The following SFMBT1 variants were observed in gnomAD, a reference collection of about 807,000 sequenced individuals.
SFMBT1 encodes scm-like with four MBT domains protein 1.
Under a neutral mutation model 108.7 loss-of-function variants are expected in SFMBT1, and 32 were observed. The ratio of observed to expected loss-of-function variants is 0.29; its 90% CI spans 0.22 to 0.40. The LOEUF is 0.40. SFMBT1 is among the 10% of genes least tolerant of loss of function. SFMBT1 has a pLI of 1.00. For synonymous variants in SFMBT1, 348 were observed against 369.5 expected, an observed-to-expected ratio of 0.94 and a Z score of 0.67; for missense variants, 816 against 1,059.6, an observed-to-expected ratio of 0.77 and a Z score of 3.19.
chr3:53,045,426 G>A (rs1431555570), intron 1 of SFMBT1, among the ~76,000 whole-genome samples: 1 of 143,460 alleles, frequency 7.0e-6, no homozygotes, highest in Non-Finnish European at 1.5e-5. Flanking sequence ...GAACTTGGGC[G>A]CCCGCCACTG....
At position 52,936,241 on chromosome 3, in the gene SFMBT1, C is replaced by T. The variant is rs78368594; in HGVS notation, c.365-1340G>A. Reference sequence around the variant, plus strand: ...TCTTCATTTACTAACCAAAGAACTTCCATAAAGAAAAATTTCTCTACATCA... The same window carrying T: ...TCTTCATTTACTAACCAAAGAACTTTCATAAAGAAAAATTTCTCTACATCA... On this transcript the variant is annotated intron_variant, in intron 4 of 20. Transcript: ENST00000394752. Among the ~76,000 whole-genome samples the T allele has an allele frequency of 9.6e-3, 1,466 of 152,230 alleles. 14 individuals carry two copies. The highest frequency in any genetic ancestry group is 0.034 in the Middle Eastern group (10 of 294).
intron 1 of SFMBT1, among the ~76,000 whole-genome samples, chr3:53,009,691 T>C (rs1698877745): frequency 6.6e-6 from 1 of 152,186 alleles, no homozygotes; most frequent in Non-Finnish European, 1.5e-5. Context: ...AACTTCTGAC[T>C]CCCCAAAACT....
At chr3:53,007,785 T>C (rs1698797926) in intron 1 of SFMBT1, among the ~76,000 whole-genome samples, 1 of 152,160 alleles carries the variant, frequency 6.6e-6, no homozygotes, top group African/African-American at 2.4e-5. Flanking sequence ...GGAAGAATAA[T>C]TTAGCAGTAG....
At chr3:53,024,868 T>C (rs978563069) in intron 1 of SFMBT1, among the ~76,000 whole-genome samples, 4 of 152,220 alleles carry the variant, frequency 2.6e-5, no homozygotes, top group African/African-American at 9.6e-5. Context: ...AGCCATTATA[T>C]TGTTTATGTT....
In SFMBT1 at chr3:52,942,784, C is replaced by T. The variant is rs561428754; in HGVS notation, c.364+569G>A. ...GCCGCCTCAGCCTCCCAAAGTGGTG[C>T]CATTACAGGCATGGGCCACCCCGCC... On this transcript the variant is annotated intron_variant, in intron 4 of 20. Coordinates refer to ENST00000394752, the MANE Select transcript of SFMBT1 (RefSeq NM_016329.4). Among the ~76,000 whole-genome samples, 15 of 152,346 alleles carry T rather than the reference C, an allele frequency of 9.8e-5. No individual in the cohort carries two copies. The South Asian group carries it at 2.7e-3, about 27-fold the overall frequency.
chr3:53,006,994 A>G (rs771267026), intron 1 of SFMBT1, among the ~76,000 whole-genome samples: 4 of 152,106 alleles, frequency 2.6e-5, no homozygotes, highest in Non-Finnish European at 5.9e-5. Flanking sequence ...CAGGGACCAC[A>G]CTGAATTTTG....
chr3:52,985,940 T>A (rs759471060), intron 1 of SFMBT1, among the ~76,000 whole-genome samples: 4 of 152,004 alleles, frequency 2.6e-5, no homozygotes, highest in African/African-American at 9.7e-5. Context: ...GTGAAGAGTT[T>A]GAGACCAGCC....
At chr3:53,028,512 TA>T (rs1306682630) in intron 1 of SFMBT1, among the ~76,000 whole-genome samples, 11 of 152,178 alleles carry the variant, frequency 7.2e-5, no homozygotes, top group African/African-American at 2.7e-4. Context: ...GGGTCAAAAC[TA>T]CTTACTAGCT....
chr3:52,989,969 G>A (rs901858140), intron 1 of SFMBT1, among the ~76,000 whole-genome samples: 2 of 152,122 alleles, frequency 1.3e-5, no homozygotes, highest in Admixed American at 1.3e-4. Context: ...CAGACAATTG[G>A]TTACTAATGT....
chr3:52,924,131 T>C (rs1575376411), intron 10 of SFMBT1, among the ~76,000 whole-genome samples: 2 of 152,114 alleles, frequency 1.3e-5, no homozygotes, highest in East Asian at 3.9e-4. Flanking sequence ...ATGAAGCAAG[T>C]CAGTAGAGTG....
At chr3:53,039,237 C>T (rs948194446) in intron 1 of SFMBT1, among the ~76,000 whole-genome samples, 1 of 152,202 alleles carries the variant, frequency 6.6e-6, no homozygotes, top group Non-Finnish European at 1.5e-5. Context: ...ATTCTGTGAC[C>T]TGACCTCCAC....
At chr3:52,968,823 GA>G (rs1188054134) in intron 2 of SFMBT1, among the ~76,000 whole-genome samples, 2 of 152,076 alleles carry the variant, frequency 1.3e-5, no homozygotes, top group Non-Finnish European at 2.9e-5. Context: ...TCGATCTCCT[GA>G]CCTCGTGATC....
intron 1 of SFMBT1, among the ~76,000 whole-genome samples, chr3:52,985,517 A>T (rs1704873541): frequency 6.6e-6 from 1 of 152,342 alleles, no homozygotes; most frequent in East Asian, 1.9e-4. Flanking sequence ...ATAATCTTTT[A>T]TTTAATCCTA....
chr3:52,971,151 A>T (rs540422810), intron 1 of SFMBT1, among the ~76,000 whole-genome samples: 1 of 152,146 alleles, frequency 6.6e-6, no homozygotes. Context: ...CAAAAAAAAA[A>T]AAGTGGGGAG....
intron 3 of SFMBT1, among the ~76,000 whole-genome samples, chr3:52,950,403 T>C (rs1703533137): frequency 6.6e-6 from 1 of 152,252 alleles, no homozygotes; most frequent in South Asian, 2.1e-4. Flanking sequence ...CTACCATTTA[T>C]ATATGTAAGC....
intron 13 of SFMBT1, among the ~76,000 whole-genome samples, chr3:52,917,119 T>C (rs572198086): frequency 6.6e-6 from 1 of 152,244 alleles, no homozygotes. Flanking sequence ...TTTTCATTGT[T>C]ACCTCACTTC....
chr3:53,045,370 C>T (rs1405015557), intron 1 of SFMBT1: 1 of 139,226 alleles, frequency 7.2e-6, no homozygotes, highest in Admixed American at 7.1e-5. Flanking sequence ...GGGCGGAGCG[C>T]GGGGCGCGCG....
intron 10 of SFMBT1, among the ~76,000 whole-genome samples, chr3:52,922,325 A>C (rs981708652): frequency 6.6e-6 from 1 of 152,214 alleles, no homozygotes; most frequent in African/African-American, 2.4e-5. Flanking sequence ...AATGTTTATC[A>C]ACAGTGGGAA....
At chr3:52,931,348 AACTCTAGAAAT>A (rs1575382124) in intron 6 of SFMBT1, among the ~76,000 whole-genome samples, 1 of 152,328 alleles carries the variant, frequency 6.6e-6, no homozygotes, top group African/African-American at 2.4e-5. Flanking sequence ...TTTAAACAGT[AACTCTAGAAAT>A]ACCAATATTA....
Sources: gnomAD v4.1 joint callset for allele counts (sites outside exome capture counted in the v4.1 genomes callset) on GRCh38, gnomAD v4.1.1 for gene constraint, MANE v1.5 for transcripts, NCBI Gene and HGNC (gene_info 2026-07-23, HGNC 2026-07-21) for gene names.